Variants in EXT1 observed in about 807,000 individuals in gnomAD.
EXT1 encodes the protein exostosin glycosyltransferase 1.
Under a neutral mutation model 82.5 loss-of-function variants are expected in EXT1, and 20 were observed. That is an observed-to-expected ratio of 0.24 (90% CI 0.17 to 0.35). The LOEUF (loss-of-function observed/expected upper bound fraction) is 0.35, where lower values mean the gene tolerates loss of function less well. Ranked by LOEUF, EXT1 falls within the 10% of genes least tolerant of loss-of-function variation. EXT1 has a pLI of 1.00. For missense variants in EXT1, 757 were observed against 936.5 expected, an observed-to-expected ratio of 0.81 and a Z score of 2.50; for synonymous variants, 348 against 350.8, an observed-to-expected ratio of 0.99 and a Z score of 0.09.
intron 1 of EXT1, among the ~76,000 whole-genome samples, chr8:117,914,770 A>T (rs1210929526): frequency 6.6e-6 from 1 of 152,110 alleles, no homozygotes; most frequent in Non-Finnish European, 1.5e-5. Context: ...CTACTCTCGA[A>T]CCCTGTTTTC....
intron 1 of EXT1, among the ~76,000 whole-genome samples, chr8:117,981,003 T>A (rs1357977979): frequency 6.6e-6 from 1 of 152,202 alleles, no homozygotes; most frequent in African/African-American, 2.4e-5. Context: ...CATCAGTGGC[T>A]TCCTTTCAAA....
chr8:118,069,452 C>A (rs1311662295), intron 1 of EXT1, among the ~76,000 whole-genome samples: 1 of 152,168 alleles, frequency 6.6e-6, no homozygotes, highest in East Asian at 1.9e-4. Flanking sequence ...CTGCTAAGCA[C>A]CCCCTCCCAC....
intron 1 of EXT1, among the ~76,000 whole-genome samples, chr8:117,877,103 C>T (rs1002512170): frequency 6.6e-6 from 1 of 152,188 alleles, no homozygotes; most frequent in East Asian, 1.9e-4. Flanking sequence ...CTTGAAGACT[C>T]TGGATGTTAA....
At chr8:117,900,501 G>GA (rs1293265983) in intron 1 of EXT1, among the ~76,000 whole-genome samples, 1 of 152,188 alleles carries the variant, frequency 6.6e-6, no homozygotes, top group Admixed American at 6.5e-5. Context: ...CTGATGCCAT[G>GA]AAATAAATTC....
intron 1 of EXT1, among the ~76,000 whole-genome samples, chr8:118,090,364 G>C (rs1817500200): frequency 6.6e-6 from 1 of 152,060 alleles, no homozygotes; most frequent in East Asian, 1.9e-4. Flanking sequence ...AGGCTGCAGT[G>C]AGCCATGACA....
At position 118,110,888 on chromosome 8, in the gene EXT1, A is replaced by T. The variant is rs1390552631; in HGVS notation, c.159T>A (p.His53Gln). 1.2e-6 allele frequency: 2 copies of T among 1,613,682 alleles called. No individual in the cohort carries two copies. The highest frequency in any genetic ancestry group is 4.5e-5 in the East Asian group (2 of 44,880). The change falls in exon 1 of 11, where the codon CAT (histidine) becomes CAA (glutamine). Residue 53 changes from histidine (H) to glutamine (Q), a missense_variant. Physicochemically the swap from His to Gln is conservative, Grantham distance 24 (BLOSUM62 0). This residue lies in a region of EXT1 where 175 missense variants were observed against 159.0 expected (regional missense o/e 1.10). Transcript: ENST00000378204. ...GAGCGTCCGGGAAGCGGGGCCAGAA[A>T]TGATCCGGACTGGGGTGGTGCAAGC... ...RNGLHHPSPD[H>Q]FWPRFPDALR... is the part of the protein sequence containing the mutation.
At chr8:117,879,242 T>A (rs766261026) in intron 1 of EXT1, among the ~76,000 whole-genome samples, 4 of 152,220 alleles carry the variant, frequency 2.6e-5, no homozygotes, top group Non-Finnish European at 5.9e-5. Context: ...CCCAGACATG[T>A]GATTACTATT....
intron 1 of EXT1, among the ~76,000 whole-genome samples, chr8:118,022,059 T>G (rs1816112291): frequency 1.3e-5 from 2 of 152,098 alleles, no homozygotes; most frequent in Non-Finnish European, 2.9e-5. Flanking sequence ...GGTCAATGCG[T>G]AGAGAGAGAG....
At chr8:117,812,450 G>A (rs1194136639) in intron 8 of EXT1, among the ~76,000 whole-genome samples, 2 of 152,096 alleles carry the variant, frequency 1.3e-5, no homozygotes, top group East Asian at 1.9e-4. Context: ...GCTCCACATA[G>A]AGTCTCCTAA....
chr8:117,818,485 G>T lies in EXT1; in HGVS notation c.1582C>A (p.Arg528Ser). 1 of 1,614,024 alleles carries T rather than the reference G, an allele frequency of 6.2e-7. No individual in the cohort carries two copies. Among genetic ancestry groups the T allele is most frequent in the Non-Finnish European group, 8.5e-7 (1 of 1,179,986 alleles). The change falls in exon 7 of 11, where the codon CGC becomes AGC. Residue 528 changes from arginine (R) to serine (S), a missense_variant. Transcript: ENST00000378204. ...NCDKPLPAKHRWPATAVPVVV... is the reference protein window; with the variant it reads ...NCDKPLPAKHSWPATAVPVVV... The stretch of plus-strand genomic sequence containing the variant: ...ACAGGCACAGCAGTGGCAGGCCAGC[G>T]GTGTTTGGCTGGTAGGGGCTTGTCA...
At chr8:117,985,586 G>C (rs994096488) in intron 1 of EXT1, among the ~76,000 whole-genome samples, 5 of 151,916 alleles carry the variant, frequency 3.3e-5, no homozygotes, top group Admixed American at 6.6e-5. Context: ...GAGCCCAAGA[G>C]ATGAAGAACT....
At position 117,797,847 on chromosome 8, in the gene EXT1, T is replaced by G. The variant is rs866748953; in HGVS notation, c.*1865A>C. 3 of 152,208 alleles carry G rather than the reference T, an allele frequency of 2.0e-5. No homozygotes were observed. Among genetic ancestry groups the G allele is most frequent in the Non-Finnish European group, 4.4e-5 (3 of 68,040 alleles). The allele number at this position is 152,208 out of a possible 1,614,324, so 9.4% of individuals were successfully genotyped here. A position where few individuals can be genotyped will look rare whatever the true frequency, so the allele number is the denominator to read the frequency against. ...AGAATGGACTATGGATGGGTCCAAT[T>G]AGATGAGAGAGGTATTTAGGGAGCT... On this transcript the variant is annotated 3_prime_UTR_variant, in exon 11 of 11. Coordinates refer to ENST00000378204, the MANE Select transcript of EXT1 (RefSeq NM_000127.3).
chr8:117,830,643 G>A (rs759662835), intron 3 of EXT1, among the ~76,000 whole-genome samples: 9 of 152,164 alleles, frequency 5.9e-5, no homozygotes, highest in Non-Finnish European at 1.0e-4. Context: ...CACAATTGCT[G>A]TTTCCAGAAA....
chr8:117,852,690 G>A (rs1043322144), intron 1 of EXT1, among the ~76,000 whole-genome samples: 2 of 152,136 alleles, frequency 1.3e-5, no homozygotes, highest in Non-Finnish European at 2.9e-5. Flanking sequence ...AAATTGGGAA[G>A]AGACATAAAA....
intron 1 of EXT1, among the ~76,000 whole-genome samples, chr8:117,991,919 C>A (rs1382758864): frequency 1.3e-5 from 2 of 152,168 alleles, no homozygotes; most frequent in Non-Finnish European, 2.9e-5. Context: ...ATGGGTCAGG[C>A]TTGTCATACA....
chr8:118,110,837 T>A lies in EXT1; in HGVS notation c.210A>T (p.Gln70His), dbSNP rs367543871. The stretch of plus-strand genomic sequence containing the variant: ...GCACGCTGGAATCCTCGTTTTCCAA[T>A]TGATCCCAAGGAACGAAGGGGCGCA... ...DALRPFVPWDQLENEDSSVHI... is the reference protein window; with the variant it reads ...DALRPFVPWDHLENEDSSVHI... The change falls in exon 1 of 11, where the codon CAA becomes CAT. Residue 70 changes from glutamine to histidine, a missense_variant. By Grantham distance (24) the Gln-to-His change is conservative. Transcript: ENST00000378204. 3 of 1,612,584 alleles carry A rather than the reference T, an allele frequency of 1.9e-6. No homozygotes were observed. Among genetic ancestry groups the A allele is most frequent in the Non-Finnish European group, 2.5e-6 (3 of 1,178,858 alleles).
At chr8:118,105,173 C>T (rs1212410229) in intron 1 of EXT1, among the ~76,000 whole-genome samples, 6 of 152,158 alleles carry the variant, frequency 3.9e-5, no homozygotes. Flanking sequence ...GTGACATTGG[C>T]ATATTAAAGG....
chr8:117,887,718 C>G (rs1045615056), intron 1 of EXT1, among the ~76,000 whole-genome samples: 1 of 151,760 alleles, frequency 6.6e-6, no homozygotes, highest in Admixed American at 6.6e-5. Flanking sequence ...TCTTTTTGAT[C>G]AAATATCCAT....
At chr8:118,008,487 G>C (rs1303818946) in intron 1 of EXT1, among the ~76,000 whole-genome samples, 1 of 151,922 alleles carries the variant, frequency 6.6e-6, no homozygotes, top group Non-Finnish European at 1.5e-5. Context: ...TCTCGAACTA[G>C]GTGATCCACC....
Sources: allele counts gnomAD v4.1 joint callset (sites outside exome capture counted in the v4.1 genomes callset), GRCh38; gene constraint gnomAD v4.1.1; regional missense constraint gnomAD v4.1.1; transcripts MANE v1.5; gene names NCBI Gene and HGNC (gene_info 2026-07-23, HGNC 2026-07-21).